The following NAPEPLD variants were observed in gnomAD, a reference collection of about 807,000 sequenced individuals.
NAPEPLD encodes N-acyl phosphatidylethanolamine phospholipase D.
In NAPEPLD, 23 loss-of-function variants were observed where a neutral mutation model predicts 38.1. The ratio of observed to expected loss-of-function variants is 0.60; its 90% CI spans 0.43 to 0.86. The LOEUF (loss-of-function observed/expected upper bound fraction) is 0.86. Among genes scored for constraint, NAPEPLD ranks in the 40% least tolerant of loss-of-function variants. The pLI is 0.00. For missense variants in NAPEPLD, 411 were observed against 476.8 expected (o/e 0.86, Z 1.28); for synonymous variants, 147 against 162.0 (o/e 0.91, Z 0.71).
intron 1 of NAPEPLD, among the ~76,000 whole-genome samples, chr7:103,133,953 C>T (rs1368541979): frequency 6.6e-6 from 1 of 152,086 alleles, no homozygotes; most frequent in African/African-American, 2.4e-5. Context: ...GCAATCTAAA[C>T]AAATAAGTAA....
At chr7:103,127,202 TCTCAAAG>T in intron 2 of NAPEPLD, 1 of 151,986 alleles carries the variant, frequency 6.6e-6, no homozygotes, top group East Asian at 1.9e-4. Flanking sequence ...AAGAGAGGAT[TCTCAAAG>T]TCTCTAGAGA....
chr7:103,134,649 T>C (rs1245787707), intron 1 of NAPEPLD, among the ~76,000 whole-genome samples: 2 of 151,818 alleles, frequency 1.3e-5, no homozygotes, highest in African/African-American at 4.8e-5. Context: ...AATAAATAAA[T>C]AAATAAAAAT....
intron 1 of NAPEPLD, chr7:103,147,881 G>C (rs1223318679): frequency 1.5e-6 from 1 of 674,618 alleles, no homozygotes; most frequent in African/African-American, 2.0e-5. Context: ...TGAAAATCCT[G>C]ACTATATTTT....
intron 4 of NAPEPLD, among the ~76,000 whole-genome samples, chr7:103,112,734 C>G (rs891420315): frequency 3.3e-5 from 5 of 151,840 alleles, no homozygotes; most frequent in African/African-American, 9.7e-5. Context: ...CACATGTATC[C>G]CAGAACTTAA....
At chr7:103,118,860 G>C (rs571803271) in intron 3 of NAPEPLD, among the ~76,000 whole-genome samples, 2 of 152,300 alleles carry the variant, frequency 1.3e-5, no homozygotes, top group South Asian at 4.1e-4. Flanking sequence ...TCTGAAATAG[G>C]TCAATAGTAT....
chr7:103,120,695 A>ATTTTTTTTTT (rs1563355903), intron 2 of NAPEPLD, among the ~76,000 whole-genome samples: 2 of 33,004 alleles, frequency 6.1e-5, no homozygotes, highest in Non-Finnish European at 1.4e-4. Context: ...TGAATCTGAT[A>ATTTTTTTTTT]TTTTTCTTTT....
rs147677303 is a variant in NAPEPLD at position 103,115,031 on chromosome 7, A to G, written c.1056+29T>C. Reference sequence around the variant, plus strand: ...GAATCCTATCATTGGTCAAACACACAAAGTTATTTTTATCGCAATCAAACT... The same window carrying G: ...GAATCCTATCATTGGTCAAACACACGAAGTTATTTTTATCGCAATCAAACT... On this transcript the variant is annotated intron_variant, in intron 4 of 4. Coordinates refer to ENST00000465647, the MANE Select transcript of NAPEPLD (RefSeq NM_001122838.3). 2.8e-5 allele frequency: 44 copies of G among 1,549,096 alleles called. No individual in the cohort carries two copies. The East Asian group carries it at 8.1e-4, about 28-fold the overall frequency.
chr7:103,141,737 A>T, intron 1 of NAPEPLD: 2 of 857,444 alleles, frequency 2.3e-6, no homozygotes. Context: ...CCGGCAGGCC[A>T]AGGTGTTTTT....
intron 1 of NAPEPLD, among the ~76,000 whole-genome samples, chr7:103,132,744 C>T (rs755971035): frequency 2.6e-5 from 4 of 152,094 alleles, no homozygotes; most frequent in Non-Finnish European, 4.4e-5. Context: ...GTTATCATGC[C>T]ACTGCACTCC....
intron 4 of NAPEPLD, among the ~76,000 whole-genome samples, chr7:103,108,332 G>A (rs1438769836): frequency 2.0e-5 from 3 of 151,942 alleles, no homozygotes; most frequent in Non-Finnish European, 2.9e-5. Flanking sequence ...TAGTAGAGAC[G>A]GGGTTTCACC....
intron 1 of NAPEPLD, among the ~76,000 whole-genome samples, chr7:103,137,849 GAA>G (rs1315328687): frequency 1.3e-5 from 2 of 150,218 alleles, no homozygotes; most frequent in East Asian, 3.9e-4. Context: ...AAAAGAAAAA[GAA>G]AGAAAGAAGA....
At chr7:103,107,095 G>T (rs1803523191) in intron 4 of NAPEPLD, among the ~76,000 whole-genome samples, 1 of 152,194 alleles carries the variant, frequency 6.6e-6, no homozygotes, top group South Asian at 2.1e-4. Flanking sequence ...CTCCGATGTT[G>T]ATACCCAGGC....
At chr7:103,141,021 A>C (rs1811190206) in intron 1 of NAPEPLD, among the ~76,000 whole-genome samples, 1 of 152,094 alleles carries the variant, frequency 6.6e-6, no homozygotes, top group African/African-American at 2.4e-5. Flanking sequence ...TTTCCCCTAA[A>C]GCATTTCAGT....
At chr7:103,116,495 C>T (rs1251175748) in intron 3 of NAPEPLD, among the ~76,000 whole-genome samples, 6 of 152,144 alleles carry the variant, frequency 3.9e-5, no homozygotes. Flanking sequence ...AAAACCAAAG[C>T]TCCAATTACA....
chr7:103,108,897 C>T (rs1051475553), intron 4 of NAPEPLD, among the ~76,000 whole-genome samples: 11 of 152,028 alleles, frequency 7.2e-5, no homozygotes, highest in Non-Finnish European at 1.5e-5. Context: ...TGGAGGAATA[C>T]TTACCAAGCA....
At chr7:103,116,661 T>C (rs960898023) in intron 3 of NAPEPLD, among the ~76,000 whole-genome samples, 3 of 152,206 alleles carry the variant, frequency 2.0e-5, no homozygotes, top group Admixed American at 1.3e-4. Context: ...ATGAGGTGTT[T>C]GGTTTGGCAA....
intron 1 of NAPEPLD, among the ~76,000 whole-genome samples, chr7:103,129,548 C>T (rs1444108924): frequency 6.6e-6 from 1 of 152,180 alleles, no homozygotes; most frequent in Non-Finnish European, 1.5e-5. Flanking sequence ...CACCACTAGG[C>T]TTAGTCATAT....
intron 1 of NAPEPLD, chr7:103,147,913 A>T: frequency 1.1e-6 from 1 of 880,388 alleles, no homozygotes; most frequent in Non-Finnish European, 1.4e-6. Flanking sequence ...AAACAAATTT[A>T]ACCCCTCAAT....
At position 103,128,574 on chromosome 7, in the gene NAPEPLD, G is replaced by A. The variant is rs557461535; in HGVS notation, c.203C>T (p.Pro68Leu). 23 of 1,614,096 alleles carry A rather than the reference G, an allele frequency of 1.4e-5. No individual in the cohort carries two copies. Among genetic ancestry groups the A allele is most frequent in the East Asian group, 2.2e-5 (1 of 44,870 alleles). Residue 68 changes from proline (P) to leucine (L), a missense_variant, in exon 2 of 5, where the codon CCG becomes CTG. Coordinates refer to ENST00000465647, the MANE Select transcript of NAPEPLD (RefSeq NM_001122838.3). ...AGAGGGGTTTTTCCATGTTGGCCAC[G>A]GATTCACAAATCTCCCATCTTTTCC... ...KKGKDGRFVN[P>L]WPTWKNPSIP...
Sources: gnomAD v4.1 joint callset for allele counts (sites outside exome capture counted in the v4.1 genomes callset) on GRCh38, gnomAD v4.1.1 for gene constraint, MANE v1.5 for transcripts, NCBI Gene and HGNC (gene_info 2026-07-23, HGNC 2026-07-21) for gene names.